Variants in LRRC28 observed in about 807,000 individuals in gnomAD.
LRRC28 encodes leucine-rich repeat-containing protein 28.
A neutral mutation model predicts 45.7 loss-of-function variants in LRRC28; 39 were observed. The ratio of observed to expected loss-of-function variants is 0.85; its 90% CI spans 0.66 to 1.12. LRRC28 has a LOEUF of 1.12. Among genes scored for constraint, LRRC28 ranks in the 50% most tolerant of loss-of-function variants. The pLI, the probability that LRRC28 is intolerant of heterozygous loss-of-function variation, is 0.00. For missense variants in LRRC28, 435 were observed against 438.5 expected (o/e 0.99, Z 0.07); for synonymous variants, 206 against 178.8 (o/e 1.15, Z -1.22).
At chr15:99,283,615 C>CAAAAAAAA (rs59399248) in intron 3 of LRRC28, among the ~76,000 whole-genome samples, 1 of 89,860 alleles carries the variant, frequency 1.1e-5, no homozygotes, top group Non-Finnish European at 2.1e-5. Flanking sequence ...GACTCCTTCT[C>CAAAAAAAA]AAAAAAAAAA....
intron 6 of LRRC28, among the ~76,000 whole-genome samples, chr15:99,350,734 T>C (rs1956851907): frequency 6.6e-6 from 1 of 152,202 alleles, no homozygotes; most frequent in East Asian, 1.9e-4. Flanking sequence ...CTTCAGCCTA[T>C]CTTCTATGTT....
Position 99,363,163 on chromosome 15 carries a change from G to C in LRRC28, c.929G>C (p.Cys310Ser). The change falls in exon 9 of 10, where the codon TGC becomes TCC. Residue 310 changes from cysteine (C) to serine (S), a missense_variant. Physicochemically the swap from Cys to Ser is moderately radical, Grantham distance 112 (BLOSUM62 -1). Transcript: ENST00000301981. Reference protein sequence around the residue: ...LPRSLLELLHCPLGHCHRCSE... With the variant: ...LPRSLLELLHSPLGHCHRCSE... ...AGAAGTCTCCTAGAGCTGCTGCACT[G>C]CCCTCTGGGGCACTGTCATCGGTGT... is the stretch of plus-strand genomic sequence containing the variant. The C allele has an allele frequency of 6.2e-7, 1 of 1,613,982 alleles. No individual in the cohort carries two copies. The highest frequency in any genetic ancestry group is 1.7e-5 in the Admixed American group (1 of 60,000).
intron 2 of LRRC28, chr15:99,259,393 G>A (rs1396745929): frequency 6.4e-7 from 1 of 1,556,626 alleles, no homozygotes; most frequent in Admixed American, 1.7e-5. Flanking sequence ...ATGTTGCCAA[G>A]GAAGGAGTGA....
intron 6 of LRRC28, among the ~76,000 whole-genome samples, chr15:99,347,925 C>A (rs547536262): frequency 2.6e-5 from 4 of 152,290 alleles, no homozygotes; most frequent in Admixed American, 1.3e-4. Flanking sequence ...TTTCTCCACA[C>A]CCTCAGCAAC....
In LRRC28 at chr15:99,255,930, C is replaced by T; in HGVS notation, c.-28C>T. 11 of 1,605,102 alleles carry T rather than the reference C, an allele frequency of 6.9e-6. No homozygotes were observed. Among genetic ancestry groups the T allele is most frequent in the Non-Finnish European group, 9.3e-6 (11 of 1,176,636 alleles). ...CCAATTTTGACAAGATATAGTGCTGCAGCGTGCCTGATGGGATATATTCAG... is the reference window on the plus strand; with the variant it reads ...CCAATTTTGACAAGATATAGTGCTGTAGCGTGCCTGATGGGATATATTCAG... On this transcript the variant is annotated 5_prime_UTR_variant, in exon 2 of 10. Coordinates refer to ENST00000301981, the MANE Select transcript of LRRC28 (RefSeq NM_144598.5).
At chr15:99,251,856 C>G (rs1375024639) in intron 1 of LRRC28, 1 of 152,248 alleles carries the variant, frequency 6.6e-6, no homozygotes, top group Non-Finnish European at 1.5e-5. Context: ...GCCTAAGACT[C>G]TGCCAGTGTT....
At chr15:99,275,877 C>T (rs1028370197) in intron 2 of LRRC28, among the ~76,000 whole-genome samples, 1 of 152,152 alleles carries the variant, frequency 6.6e-6, no homozygotes, top group Admixed American at 6.5e-5. Flanking sequence ...GGGCCACAGA[C>T]CTGGTACCTG....
chr15:99,278,473 C>T (rs764206151), intron 3 of LRRC28, among the ~76,000 whole-genome samples: 1 of 152,168 alleles, frequency 6.6e-6, no homozygotes, highest in Non-Finnish European at 1.5e-5. Flanking sequence ...GCTTCAAACT[C>T]CTGACCTTGT....
chr15:99,333,987 C>T lies in LRRC28; in HGVS notation c.450C>T (p.Pro150=), dbSNP rs762852282. 32 of 1,613,974 alleles carry T rather than the reference C, an allele frequency of 2.0e-5. No individual in the cohort carries two copies. In the African/African-American group the frequency reaches 3.1e-4, roughly 15 times the overall value. Residue 150 remains proline, a synonymous_variant, in exon 6 of 10, where the codon CCC becomes CCT. Coordinates refer to ENST00000301981, the MANE Select transcript of LRRC28 (RefSeq NM_144598.5). ...DISTNRLLTL[P]ERLHMCLSLQ... ...CTACCAATCGTTTGCTAACTTTACC[C>T]GAGAGGCTTCACATGTGCCTTTCTC...
At chr15:99,383,624 G>A (rs1957895964) in intron 9 of LRRC28, among the ~76,000 whole-genome samples, 1 of 152,184 alleles carries the variant, frequency 6.6e-6, no homozygotes, top group Admixed American at 6.5e-5. Flanking sequence ...ATGAACTCTT[G>A]CAGGATTTTT....
At chr15:99,283,498 C>T (rs1041234543) in intron 3 of LRRC28, among the ~76,000 whole-genome samples, 5 of 151,370 alleles carry the variant, frequency 3.3e-5, no homozygotes, top group Admixed American at 2.6e-4. Context: ...CACCTGTAAT[C>T]CCAGCTACTC....
At position 99,387,301 on chromosome 15, in the gene LRRC28, CCG is replaced by C. The variant is rs1958050206; in HGVS notation, c.*1201_*1202del. ...GGTCTCGATCTCCTGACCTCGTGATCCGCACGCCTCGGCCTCCCAAAGTGCTG... is the reference window on the plus strand; with the variant it reads ...GGTCTCGATCTCCTGACCTCGTGATCCACGCCTCGGCCTCCCAAAGTGCTG... On this transcript the variant is annotated 3_prime_UTR_variant, in exon 10 of 10. Coordinates refer to ENST00000301981, the MANE Select transcript of LRRC28 (RefSeq NM_144598.5). The C allele has an allele frequency of 1.3e-5, 2 of 151,758 alleles. No homozygotes were observed. Among genetic ancestry groups the C allele is most frequent in the African/African-American group, 2.4e-5 (1 of 41,270 alleles). 9.4% of individuals were successfully genotyped at this position (151,758 alleles called of 1,614,324 possible).
intron 5 of LRRC28, among the ~76,000 whole-genome samples, chr15:99,303,817 A>G (rs1278541711): frequency 3.4e-5 from 5 of 147,970 alleles, no homozygotes; most frequent in East Asian, 4.0e-4. Context: ...CTGGGGGACA[A>G]GAGTAAAACT....
At chr15:99,362,675 C>G (rs1957236068) in intron 8 of LRRC28, among the ~76,000 whole-genome samples, 1 of 151,890 alleles carries the variant, frequency 6.6e-6, no homozygotes, top group Non-Finnish European at 1.5e-5. Context: ...ATGATTTAGC[C>G]TTGGTGGAGG....
chr15:99,287,790 T>G (rs1003163217), intron 4 of LRRC28, 24 bp from the exon 5 acceptor site: 1 of 1,574,062 alleles, frequency 6.4e-7, no homozygotes, highest in African/African-American at 1.4e-5. Context: ...AAATTCATTT[T>G]GCCTTCTCCT....
At chr15:99,311,253 T>C (rs1028711151) in intron 5 of LRRC28, among the ~76,000 whole-genome samples, 22 of 152,212 alleles carry the variant, frequency 1.4e-4, no homozygotes, top group African/African-American at 4.3e-4. Flanking sequence ...ATTTTCCACT[T>C]GTGGCATCAT....
chr15:99,275,713 G>T (rs996833296), intron 2 of LRRC28, among the ~76,000 whole-genome samples: 7 of 152,166 alleles, frequency 4.6e-5, no homozygotes, highest in African/African-American at 1.7e-4. Context: ...TGCTGGGAGT[G>T]GCCGGCAACC....
At chr15:99,310,118 A>G (rs1381718660) in intron 5 of LRRC28, among the ~76,000 whole-genome samples, 1 of 152,242 alleles carries the variant, frequency 6.6e-6, no homozygotes, top group Non-Finnish European at 1.5e-5. Context: ...TCAGATATAG[A>G]AACATGTATG....
At chr15:99,321,073 C>T (rs1453956079) in intron 5 of LRRC28, among the ~76,000 whole-genome samples, 1 of 152,090 alleles carries the variant, frequency 6.6e-6, no homozygotes, top group African/African-American at 2.4e-5. Context: ...TTAGACTTGC[C>T]TTCAGAGTTT....
Sources: gnomAD v4.1 joint callset for allele counts (sites outside exome capture counted in the v4.1 genomes callset) on GRCh38, gnomAD v4.1.1 for gene constraint, MANE v1.5 for transcripts, NCBI Gene and HGNC (gene_info 2026-07-23, HGNC 2026-07-21) for gene names.